The following FDFT1 variants were observed in gnomAD, a reference collection of about 807,000 sequenced individuals.
FDFT1 encodes the protein squalene synthase.
Under a neutral mutation model 46.8 loss-of-function variants are expected in FDFT1, and 68 were observed. That is an observed-to-expected ratio of 1.45 (90% CI 1.19 to 1.78). FDFT1 has a LOEUF of 1.78. FDFT1 is among the 40% of genes most tolerant of loss of function. The pLI, the probability that FDFT1 is intolerant of heterozygous loss-of-function variation, is 0.00. For synonymous variants in FDFT1, 351 were observed against 185.1 expected, an observed-to-expected ratio of 1.90 and a Z score of -7.28; for missense variants, 928 against 524.4, an observed-to-expected ratio of 1.77 and a Z score of -7.52.
chr8:11,827,886 A>G (rs1254836893), intron 5 of FDFT1, among the ~76,000 whole-genome samples: 5 of 149,262 alleles, frequency 3.3e-5, no homozygotes, highest in Non-Finnish European at 6.0e-5. Context: ...AAAACAAAAC[A>G]AAACAAAACA....
intron 4 of FDFT1, among the ~76,000 whole-genome samples, chr8:11,825,632 T>A (rs764473161): frequency 6.6e-6 from 1 of 151,178 alleles, no homozygotes; most frequent in African/African-American, 2.4e-5. Flanking sequence ...GCAGAAAGAT[T>A]GCTTGGGTCC....
At chr8:11,800,516 G>C (rs1381148982), upstream of FDFT1, among the ~76,000 whole-genome samples, 1 of 152,188 alleles carries the variant, frequency 6.6e-6, no homozygotes, top group East Asian at 1.9e-4. Context: ...TTTTAAAAGA[G>C]GCAAAGGTAG....
chr8:11,815,554 A>T (rs923192663), intron 3 of FDFT1, among the ~76,000 whole-genome samples: 5 of 152,192 alleles, frequency 3.3e-5, no homozygotes, highest in African/African-American at 1.2e-4. Context: ...TTTTTAAATG[A>T]TCGCCATTGT....
At chr8:11,819,194 G>A (rs757305666) in intron 3 of FDFT1, among the ~76,000 whole-genome samples, 5 of 152,228 alleles carry the variant, frequency 3.3e-5, no homozygotes, top group African/African-American at 4.8e-5. Flanking sequence ...CTTCTGGCTA[G>A]TAGGGTTTCT....
At chr8:11,803,631 T>G (rs935573427) in intron 1 of FDFT1, 1 of 517,256 alleles carries the variant, frequency 1.9e-6, no homozygotes, top group Non-Finnish European at 2.9e-6. Flanking sequence ...TACGCGATTA[T>G]TGAATGAATA....
chr8:11,807,645 C>T (rs757067439), intron 1 of FDFT1, among the ~76,000 whole-genome samples: 1 of 152,202 alleles, frequency 6.6e-6, no homozygotes, highest in Non-Finnish European at 1.5e-5. Flanking sequence ...GATATGCTTG[C>T]ATTTAAAATC....
At position 11,808,883 on chromosome 8, in the gene FDFT1, G is replaced by A. The variant is rs1382784431; in HGVS notation, c.189G>A (p.Gly63=). 2 of 1,613,632 alleles carry A rather than the reference G, an allele frequency of 1.2e-6. No homozygotes were observed. The highest frequency in any genetic ancestry group is 3.3e-5 in the Admixed American group (2 of 59,972). ...SFAAVIQALD[G]EMRNAVCIFY... ...CAGCTGTTATCCAGGCGCTGGATGG[G>A]GAAATGCGGTGAGTGATGGAGGCAG... Residue 63 remains glycine (G), a synonymous_variant, in exon 2 of 8, where the codon GGG becomes GGA. Coordinates refer to ENST00000220584, the MANE Select transcript of FDFT1 (RefSeq NM_004462.5).
At chr8:11,830,132 C>G (rs1172891387) in intron 5 of FDFT1, 112 bp from the exon 6 acceptor site, 6 of 901,972 alleles carry the variant, frequency 6.7e-6, no homozygotes, top group Admixed American at 2.0e-5. Context: ...AGGCGTGAGC[C>G]ACGGCGCCCA....
intron 1 of FDFT1, among the ~76,000 whole-genome samples, chr8:11,796,971 G>T (rs1805620118): frequency 6.6e-6 from 1 of 152,236 alleles, no homozygotes; most frequent in Admixed American, 6.5e-5. Context: ...TGTGCAGTCA[G>T]ATCTATATCT....
At chr8:11,829,834 G>GT (rs140084347) in intron 5 of FDFT1, among the ~76,000 whole-genome samples, 28,950 of 150,174 alleles carry the variant, frequency 0.19, 3,425 homozygotes, top group African/African-American at 0.33. Flanking sequence ...ATATCATAGT[G>GT]TTTTTTTTTG....
chr8:11,796,168 CAA>C (rs1213317603), intron 1 of FDFT1, among the ~76,000 whole-genome samples: 2 of 152,194 alleles, frequency 1.3e-5, no homozygotes, highest in Non-Finnish European at 2.9e-5. Flanking sequence ...CAAGGCTAAA[CAA>C]AATACAAAGC....
intron 1 of FDFT1, chr8:11,803,252 T>TGAG: frequency 7.3e-7 from 1 of 1,366,770 alleles, no homozygotes; most frequent in Non-Finnish European, 9.6e-7. Flanking sequence ...GTTACACATC[T>TGAG]GAGGCAATGT....
chr8:11,804,660 G>A lies in FDFT1; in HGVS notation c.99+1729G>A, dbSNP rs541292221. On this transcript the variant is annotated intron_variant, in intron 1 of 7. Coordinates refer to ENST00000220584, the MANE Select transcript of FDFT1 (RefSeq NM_004462.5). ...GCTCTGTTACCCAGGCTGGAGTGCA[G>A]TGGTGGCGGGACCTCAGCTAGATGC... Among the ~76,000 whole-genome samples, 201 of 134,368 alleles carry A rather than the reference G, an allele frequency of 1.5e-3. 1 individual carries two copies. The highest frequency in any genetic ancestry group is 2.7e-3 in the South Asian group (11 of 4,024). The allele number at this position is 134,368 out of a possible 152,430, so 88.2% of individuals were successfully genotyped here.
At chr8:11,809,335 CTTTCT>C in intron 2 of FDFT1, 1 of 1,094,290 alleles carries the variant, frequency 9.1e-7, no homozygotes, top group Admixed American at 4.6e-5. Context: ...TGTTTTTTGA[CTTTCT>C]TTTCTATTTG....
chr8:11,823,041 A>G (rs572616560), intron 4 of FDFT1, among the ~76,000 whole-genome samples: 10 of 152,058 alleles, frequency 6.6e-5, no homozygotes, highest in African/African-American at 1.9e-4. Flanking sequence ...CGCAGCCTCA[A>G]CCTCCTGGGC....
At chr8:11,810,386 C>T (rs2280942) in intron 3 of FDFT1, among the ~76,000 whole-genome samples, 3,291 of 152,264 alleles carry the variant, frequency 0.022, 85 homozygotes, top group African/African-American at 0.06. Context: ...AGCAGCCTGG[C>T]ATGGGGGCGG....
upstream of FDFT1, among the ~76,000 whole-genome samples, chr8:11,801,356 G>T (rs1292516245): frequency 6.6e-6 from 1 of 152,162 alleles, no homozygotes; most frequent in East Asian, 1.9e-4. Context: ...TCTCGCTCTT[G>T]TCCCCCAGGC....
At position 11,838,388 on chromosome 8, in the gene FDFT1, AT is replaced by A. The variant is rs1811834347; in HGVS notation, c.1036del (p.Tyr346IlefsTer31). On this transcript the variant is annotated frameshift_variant and splice_region_variant, in exon 8 of 8. Coordinates refer to ENST00000220584, the MANE Select transcript of FDFT1 (RefSeq NM_004462.5). LOFTEE classifies it high-confidence loss of function. The stretch of plus-strand genomic sequence containing the variant: ...TCATTTTTTCCTGTGTCTTTAACAG[AT>A]TTATCATAGAATCCCCGACTCAGAC... ...KAIIYQYMEE[I>X]YHRIPDSDPS... 6.2e-7 allele frequency: 1 copy of A among 1,612,418 alleles called. No individual in the cohort carries two copies. Among genetic ancestry groups the A allele is most frequent in the African/African-American group, 1.3e-5 (1 of 74,912 alleles).
At chr8:11,837,544 C>A (rs531843456) in intron 7 of FDFT1, among the ~76,000 whole-genome samples, 1 of 152,118 alleles carries the variant, frequency 6.6e-6, no homozygotes, top group Admixed American at 6.5e-5. Flanking sequence ...GCAACTGTTA[C>A]TAGACTGTAG....
Sources: gnomAD v4.1 joint callset for allele counts (sites outside exome capture counted in the v4.1 genomes callset) on GRCh38, gnomAD v4.1.1 for gene constraint, MANE v1.5 for transcripts, NCBI Gene and HGNC (gene_info 2026-07-23, HGNC 2026-07-21) for gene names.